The following PDE4D variants were observed in gnomAD, a reference collection of about 807,000 sequenced individuals.
PDE4D encodes the protein phosphodiesterase 4D.
PDE4D carries 24 observed loss-of-function variants against 87.4 expected under a neutral mutation model. That is an observed-to-expected ratio of 0.27 (90% CI 0.20 to 0.39). PDE4D has a LOEUF of 0.39. Among genes scored for constraint, PDE4D ranks in the 10% least tolerant of loss-of-function variants. PDE4D has a pLI of 1.00. For synonymous variants in PDE4D, 384 were observed against 383.2 expected, an observed-to-expected ratio of 1.00 and a Z score of -0.02; for missense variants, 714 against 1,041.0, an observed-to-expected ratio of 0.69 and a Z score of 4.32.
chr5:60,143,264 C>G (rs1474161592), intron 2 of PDE4D, among the ~76,000 whole-genome samples: 2 of 152,156 alleles, frequency 1.3e-5, no homozygotes, highest in Non-Finnish European at 2.9e-5. Flanking sequence ...ATGCCACATT[C>G]TCCAGACAGT....
chr5:59,600,215 A>G (rs896767445), intron 1 of PDE4D, among the ~76,000 whole-genome samples: 3 of 152,216 alleles, frequency 2.0e-5, no homozygotes, highest in Non-Finnish European at 2.9e-5. Flanking sequence ...GCTTAATGTG[A>G]GTTAGATAAC....
chr5:60,449,811 C>T (rs996126198), intron 1 of PDE4D, among the ~76,000 whole-genome samples: 12 of 150,606 alleles, frequency 8.0e-5, no homozygotes, highest in East Asian at 3.9e-4. Context: ...GGGATGGCTG[C>T]GTCAAATGGT....
intron 5 of PDE4D, among the ~76,000 whole-genome samples, chr5:59,085,979 C>T (rs1030772244): frequency 1.1e-4 from 17 of 152,206 alleles, no homozygotes; most frequent in African/African-American, 3.9e-4. Flanking sequence ...TAGCTGATAA[C>T]GATGTTGTAT....
intron 1 of PDE4D, among the ~76,000 whole-genome samples, chr5:59,438,353 C>G (rs1797089585): frequency 6.6e-6 from 1 of 152,050 alleles, no homozygotes; most frequent in Non-Finnish European, 1.5e-5. Flanking sequence ...TTCTGAACCA[C>G]AAGATAGGAA....
chr5:60,516,051 A>G (rs560008000), intron 1 of PDE4D, among the ~76,000 whole-genome samples: 2 of 152,342 alleles, frequency 1.3e-5, no homozygotes, highest in Admixed American at 1.3e-4. Flanking sequence ...TACCACTGCC[A>G]GGTATTTCGC....
chr5:60,518,198 T>C (rs1036732312), intron 1 of PDE4D, among the ~76,000 whole-genome samples: 3 of 152,222 alleles, frequency 2.0e-5, no homozygotes, highest in African/African-American at 7.2e-5. Context: ...CTTGTTCACA[T>C]ACCCCTTGCC....
In PDE4D at chr5:59,209,897, A is replaced by G. The variant is rs141954867; in HGVS notation, c.647+5880T>C. Among the ~76,000 whole-genome samples, 516 of 152,350 alleles carry G rather than the reference A, an allele frequency of 3.4e-3. 3 individuals carry two copies. Among genetic ancestry groups the G allele is most frequent in the African/African-American group, 0.012 (486 of 41,590 alleles). On this transcript the variant is annotated intron_variant, in intron 2 of 14. Transcript: ENST00000340635. Reference sequence around the variant, plus strand: ...TATTAGTTTTCCAGGTGGTTGACAGATGTTTTCGTGTTTTTCTTGAACATT... The same window carrying G: ...TATTAGTTTTCCAGGTGGTTGACAGGTGTTTTCGTGTTTTTCTTGAACATT...
At chr5:59,621,003 A>G (rs952036145) in intron 1 of PDE4D, among the ~76,000 whole-genome samples, 4 of 151,588 alleles carry the variant, frequency 2.6e-5, no homozygotes, top group African/African-American at 9.7e-5. Flanking sequence ...CTATACTCTC[A>G]TTTCCTCTTT....
At chr5:58,988,706 A>C in intron 10 of PDE4D, 114 bp from the exon 11 acceptor site, 8 of 451,660 alleles carry the variant, frequency 1.8e-5, no homozygotes, top group South Asian at 6.2e-5. Flanking sequence ...AAGCTTCAAA[A>C]TGTGTTACAA....
At chr5:59,702,103 G>C (rs755041796) in intron 1 of PDE4D, among the ~76,000 whole-genome samples, 1 of 152,168 alleles carries the variant, frequency 6.6e-6, no homozygotes, top group Non-Finnish European at 1.5e-5. Flanking sequence ...TTTTTGATTA[G>C]TTAGGCACTT....
chr5:59,771,462 A>AGAGAG (rs1491353054), intron 1 of PDE4D, among the ~76,000 whole-genome samples: 66 of 78,798 alleles, frequency 8.4e-4, no homozygotes, highest in African/African-American at 3.7e-3. Context: ...AGAAAGAAAG[A>AGAGAG]AAGAAAGAAA....
At position 59,867,152 on chromosome 5, in the gene PDE4D, A is replaced by T. The variant is rs567765673; in HGVS notation, c.455+26016T>A. 9.2e-5 allele frequency among the ~76,000 whole-genome samples: 14 copies of T among 152,244 alleles called. No homozygotes were observed. The South Asian group carries it at 2.3e-3, about 25-fold the overall frequency. ...AAGAAAGGAAGCTTACTTAATTGAGATGTGTAGAGAGAGAAGGGTATGAAG... is the reference window on the plus strand; with the variant it reads ...AAGAAAGGAAGCTTACTTAATTGAGTTGTGTAGAGAGAGAAGGGTATGAAG... On this transcript the variant is annotated intron_variant, in intron 1 of 14. Transcript: ENST00000340635.
At chr5:59,739,488 T>C (rs1187085857) in intron 1 of PDE4D, among the ~76,000 whole-genome samples, 3 of 152,194 alleles carry the variant, frequency 2.0e-5, no homozygotes, top group Non-Finnish European at 4.4e-5. Flanking sequence ...GACACTAATG[T>C]ACAATTCACA....
At chr5:59,465,692 A>G (rs1213471817) in intron 1 of PDE4D, among the ~76,000 whole-genome samples, 1 of 152,222 alleles carries the variant, frequency 6.6e-6, no homozygotes, top group Non-Finnish European at 1.5e-5. Context: ...CAATCAATGA[A>G]TCAGTCACAT....
At chr5:59,025,386 A>C (rs931432692) in intron 6 of PDE4D, among the ~76,000 whole-genome samples, 1 of 152,360 alleles carries the variant, frequency 6.6e-6, no homozygotes, top group South Asian at 2.1e-4. Context: ...GTAAAGGCAC[A>C]GACAACACAA....
chr5:60,021,690 T>G (rs1766079712), intron 2 of PDE4D: 1 of 152,212 alleles, frequency 6.6e-6, no homozygotes, highest in African/African-American at 2.4e-5. Context: ...CTGTTATAAA[T>G]GCAGGAATAC....
chr5:59,217,471 G>A (rs538492872), intron 1 of PDE4D, among the ~76,000 whole-genome samples: 1 of 152,076 alleles, frequency 6.6e-6, no homozygotes, highest in Non-Finnish European at 1.5e-5. Context: ...CAGTGGCTCC[G>A]AAATAATCCA....
rs530332881 is a variant in PDE4D at position 59,599,508 on chromosome 5, A to G, written c.455+293660T>C. Among the ~76,000 whole-genome samples, 19 of 151,972 alleles carry G rather than the reference A, an allele frequency of 1.3e-4. No individual in the cohort carries two copies. The South Asian group carries it at 3.3e-3, about 27-fold the overall frequency. ...CGCCCACCTTGGTCTCCCAAAGTGT[A>G]AAACACATTTTATTTGCTTTCAAAC... On this transcript the variant is annotated intron_variant, in intron 1 of 14. Coordinates refer to ENST00000340635, the MANE Select transcript of PDE4D (RefSeq NM_001104631.2).
At chr5:60,439,139 T>A (rs542180481) in intron 1 of PDE4D, among the ~76,000 whole-genome samples, 2 of 152,126 alleles carry the variant, frequency 1.3e-5, no homozygotes, top group African/African-American at 4.8e-5. Context: ...AAGTTCCCAG[T>A]TGATAACCAC....
Sources: allele counts gnomAD v4.1 joint callset (sites outside exome capture counted in the v4.1 genomes callset), GRCh38; gene constraint gnomAD v4.1.1; transcripts MANE v1.5; gene names NCBI Gene and HGNC (gene_info 2026-07-23, HGNC 2026-07-21).